Variants in CLNK observed in about 807,000 individuals in gnomAD.
The protein encoded by CLNK is cytokine dependent hematopoietic cell linker.
In CLNK, 74 loss-of-function variants were observed where a neutral mutation model predicts 68.6. That is an observed-to-expected ratio of 1.08 (90% CI 0.89 to 1.31). The LOEUF (loss-of-function observed/expected upper bound fraction) is 1.31. Among genes scored for constraint, CLNK ranks in the 50% most tolerant of loss-of-function variants. The pLI is 0.00. For synonymous variants in CLNK, 198 were observed against 172.2 expected (o/e 1.15, Z -1.17); for missense variants, 553 against 515.3 (o/e 1.07, Z -0.71).
At chr4:10,687,735 C>T (rs1725318781), upstream of CLNK, among the ~76,000 whole-genome samples, 1 of 152,144 alleles carries the variant, frequency 6.6e-6, no homozygotes, top group South Asian at 2.1e-4. Flanking sequence ...AGGCCAGCTG[C>T]AAATTCCAAC....
At chr4:10,496,408 G>A (rs542931715) in intron 18 of CLNK, among the ~76,000 whole-genome samples, 4 of 152,278 alleles carry the variant, frequency 2.6e-5, no homozygotes, top group East Asian at 3.9e-4. Context: ...AAGACAAAAG[G>A]CTCACGCTGT....
At chr4:10,568,297 T>C (rs1198068213) in intron 5 of CLNK, among the ~76,000 whole-genome samples, 2 of 152,166 alleles carry the variant, frequency 1.3e-5, no homozygotes, top group African/African-American at 4.8e-5. Context: ...AAATGGAATG[T>C]TGCATGATTC....
At chr4:10,622,765 G>A (rs571664675) in intron 2 of CLNK, among the ~76,000 whole-genome samples, 4 of 152,156 alleles carry the variant, frequency 2.6e-5, no homozygotes, top group Admixed American at 6.5e-5. Flanking sequence ...AGCATGGACT[G>A]GGTGGTTTGA....
chr4:10,552,065 C>A (rs755096281), intron 8 of CLNK, among the ~76,000 whole-genome samples: 1 of 152,006 alleles, frequency 6.6e-6, no homozygotes, highest in Non-Finnish European at 1.5e-5. Flanking sequence ...ACCGTGTTAG[C>A]CAGGATGGTC....
chr4:10,669,412 A>G (rs1724538543), intron 1 of CLNK, among the ~76,000 whole-genome samples: 3 of 152,224 alleles, frequency 2.0e-5, no homozygotes, highest in Non-Finnish European at 4.4e-5. Context: ...TTGTCTTGCC[A>G]GGTAAGTCTG....
intron 4 of CLNK, among the ~76,000 whole-genome samples, chr4:10,581,421 C>T (rs1720775275): frequency 6.6e-6 from 1 of 152,098 alleles, no homozygotes; most frequent in Non-Finnish European, 1.5e-5. Flanking sequence ...TCAGTTTATT[C>T]ACTGGACAAC....
intron 15 of CLNK, 38 bp from the exon 16 acceptor site, chr4:10,513,635 G>A: frequency 6.4e-7 from 1 of 1,561,044 alleles, no homozygotes; most frequent in South Asian, 1.2e-5. Context: ...GTGATTTTGT[G>A]ACTGGTGCAG....
chr4:10,708,687 G>T, the CLNK span, among the ~76,000 whole-genome samples: 1 of 152,206 alleles, frequency 6.6e-6, no homozygotes, highest in African/African-American at 2.4e-5. Flanking sequence ...ATCATGGTCA[G>T]ATTTTCATTT....
chr4:10,649,643 A>G (rs1229827176), intron 2 of CLNK, among the ~76,000 whole-genome samples: 1 of 152,154 alleles, frequency 6.6e-6, no homozygotes, highest in African/African-American at 2.4e-5. Flanking sequence ...TCTACTCTCA[A>G]ACATTGATAC....
chr4:10,557,291 G>A (rs901650727), intron 8 of CLNK, among the ~76,000 whole-genome samples: 4 of 151,844 alleles, frequency 2.6e-5, no homozygotes, highest in Admixed American at 6.6e-5. Flanking sequence ...CCTGCTCTCC[G>A]CCTGGGGACA....
intron 1 of CLNK, among the ~76,000 whole-genome samples, chr4:10,675,195 T>C (rs1352736029): frequency 6.6e-6 from 1 of 152,178 alleles, no homozygotes; most frequent in Non-Finnish European, 1.5e-5. Flanking sequence ...CACACCTATA[T>C]TTTAGAAAAC....
intron 2 of CLNK, among the ~76,000 whole-genome samples, chr4:10,666,357 T>C (rs563449232): frequency 6.3e-4 from 96 of 152,370 alleles, no homozygotes; most frequent in Non-Finnish European, 1.1e-3. Context: ...ATAATGAAAC[T>C]GCCATTTGCC....
chr4:10,585,146 T>C (rs953743715), intron 3 of CLNK, among the ~76,000 whole-genome samples, 191 bp from the exon 4 acceptor site: 3 of 152,238 alleles, frequency 2.0e-5, no homozygotes, highest in African/African-American at 7.2e-5. Context: ...CATATTTCTA[T>C]TTTCTGGAAA....
chr4:10,642,375 C>T (rs1283736225), intron 2 of CLNK, among the ~76,000 whole-genome samples: 2 of 152,162 alleles, frequency 1.3e-5, no homozygotes, highest in African/African-American at 4.8e-5. Flanking sequence ...GGAGAGAAAA[C>T]AGGCACAGAG....
At chr4:10,586,336 C>CTTTTTTTT (rs5856064) in intron 3 of CLNK, among the ~76,000 whole-genome samples, 3 of 89,260 alleles carry the variant, frequency 3.4e-5, no homozygotes, top group Admixed American at 1.2e-4. Flanking sequence ...CTTTTTTTTT[C>CTTTTTTTT]TTTTTTTTTT....
intron 2 of CLNK, among the ~76,000 whole-genome samples, chr4:10,664,560 G>A (rs780317586): frequency 1.3e-4 from 20 of 152,292 alleles, no homozygotes; most frequent in South Asian, 4.2e-4. Context: ...GGAAGGAAAC[G>A]GTGCTGGGAA....
chr4:10,686,734 G>A (rs1180856506), upstream of CLNK, among the ~76,000 whole-genome samples: 3 of 151,676 alleles, frequency 2.0e-5, no homozygotes, highest in Non-Finnish European at 4.4e-5. Flanking sequence ...GAATTATTGT[G>A]GTCTTCATTG....
rs998651566 is a variant in CLNK at position 10,520,800 on chromosome 4, G to T, written c.763C>A (p.Gln255Lys). 2 of 1,605,948 alleles carry T rather than the reference G, an allele frequency of 1.2e-6. No individual in the cohort carries two copies. The highest frequency in any genetic ancestry group is 1.7e-6 in the Non-Finnish European group (2 of 1,174,570). Residue 255 changes from glutamine (Q) to lysine (K), a missense_variant, in exon 15 of 19, where the codon CAA (glutamine) becomes AAA (lysine). Transcript: ENST00000226951. ...SSFTTSNHSV[Q>K]NRDHRGGMQP... ...CTGAAAGTGCTCTTACCTCTGTTTT[G>T]CACACTGTGGTTGCTTGTCGTGAAT...
chr4:10,628,131 C>T (rs1722747532), intron 2 of CLNK, among the ~76,000 whole-genome samples: 1 of 152,188 alleles, frequency 6.6e-6, no homozygotes, highest in African/African-American at 2.4e-5. Context: ...AAATGTGTAC[C>T]TGTTTATATT....
Sources: gnomAD v4.1 joint callset for allele counts (sites outside exome capture counted in the v4.1 genomes callset) on GRCh38, gnomAD v4.1.1 for gene constraint, MANE v1.5 for transcripts, NCBI Gene and HGNC (gene_info 2026-07-23, HGNC 2026-07-21) for gene names.